Variants in SYT1 observed in about 807,000 individuals in gnomAD.
SYT1 encodes the protein synaptotagmin-1.
Under a neutral mutation model 44.8 loss-of-function variants are expected in SYT1, and 8 were observed. The ratio of observed to expected loss-of-function variants is 0.18; its 90% CI spans 0.10 to 0.32. The LOEUF (loss-of-function observed/expected upper bound fraction) is 0.32, where lower values mean the gene tolerates loss of function less well. SYT1 is among the 10% of genes least tolerant of loss of function. SYT1 has a pLI of 1.00. For synonymous variants in SYT1, 154 were observed against 188.8 expected (o/e 0.82, Z 1.51); for missense variants, 286 against 509.3 (o/e 0.56, Z 4.22).
intron 1 of SYT1, among the ~76,000 whole-genome samples, chr12:78,928,434 T>C (rs1877425403): frequency 6.6e-6 from 1 of 152,216 alleles, no homozygotes; most frequent in Non-Finnish European, 1.5e-5. Context: ...AGACTCATTC[T>C]TACCATAGAC....
intron 3 of SYT1, among the ~76,000 whole-genome samples, chr12:79,156,899 T>A (rs1367797921): frequency 6.6e-6 from 1 of 152,150 alleles, no homozygotes; most frequent in Admixed American, 6.5e-5. Flanking sequence ...GACTGTCACT[T>A]GTCACAAGCA....
At chr12:78,931,249 AGG>A (rs1163732813) in intron 1 of SYT1, among the ~76,000 whole-genome samples, 1 of 49,026 alleles carries the variant, frequency 2.0e-5, no homozygotes, top group African/African-American at 7.4e-5. Flanking sequence ...GAAGGAAGGA[AGG>A]AAGGAAGGAA....
intron 3 of SYT1, among the ~76,000 whole-genome samples, chr12:79,123,616 C>T (rs1425876342): frequency 2.0e-5 from 3 of 152,108 alleles, no homozygotes; most frequent in African/African-American, 4.8e-5. Flanking sequence ...AAATCCAATA[C>T]TGTTGTGCAT....
At chr12:78,981,890 T>C (rs907937975) in intron 2 of SYT1, among the ~76,000 whole-genome samples, 10 of 152,278 alleles carry the variant, frequency 6.6e-5, no homozygotes, top group African/African-American at 2.4e-4. Flanking sequence ...TATTTTCTGT[T>C]TCTTAAATTT....
At chr12:79,216,584 A>G (rs1874820056) in intron 3 of SYT1, among the ~76,000 whole-genome samples, 1 of 152,184 alleles carries the variant, frequency 6.6e-6, no homozygotes, top group Non-Finnish European at 1.5e-5. Context: ...ATAAATTAGG[A>G]TGTCAAATGC....
chr12:79,128,033 G>A (rs1271886249), intron 3 of SYT1, among the ~76,000 whole-genome samples: 2 of 152,120 alleles, frequency 1.3e-5, no homozygotes, highest in African/African-American at 4.8e-5. Flanking sequence ...GTAGGTGGGT[G>A]GATGGACACA....
At chr12:78,936,620 CTTTA>C (rs1945515906) in intron 1 of SYT1, among the ~76,000 whole-genome samples, 1 of 152,040 alleles carries the variant, frequency 6.6e-6, no homozygotes, top group African/African-American at 2.4e-5. Context: ...AATGCATATT[CTTTA>C]TTTCTTAGTA....
chr12:79,326,153 T>C (rs572802451), intron 8 of SYT1, among the ~76,000 whole-genome samples: 1 of 152,348 alleles, frequency 6.6e-6, no homozygotes, highest in Admixed American at 6.5e-5. Context: ...ACTCAGCTAC[T>C]CTGACTTTTT....
intron 2 of SYT1, among the ~76,000 whole-genome samples, chr12:79,044,131 C>G (rs914348416): frequency 7.2e-5 from 11 of 151,968 alleles, no homozygotes; most frequent in Non-Finnish European, 1.2e-4. Flanking sequence ...CGAGGAGTAT[C>G]TTTGTGGCAT....
intron 1 of SYT1, among the ~76,000 whole-genome samples, chr12:78,920,918 AT>A (rs1219965349): frequency 4.1e-4 from 63 of 152,000 alleles, no homozygotes; most frequent in African/African-American, 1.4e-3. Flanking sequence ...TAATACTAAG[AT>A]CCAGTCCTCA....
At chr12:79,434,833 A>G (rs1020153410) in intron 9 of SYT1, among the ~76,000 whole-genome samples, 10 of 151,850 alleles carry the variant, frequency 6.6e-5, no homozygotes, top group African/African-American at 2.4e-4. Flanking sequence ...CCCACCTTCC[A>G]TCCTGCCTTC....
chr12:78,889,788 T>G (rs1874948241), intron 1 of SYT1, among the ~76,000 whole-genome samples: 1 of 151,944 alleles, frequency 6.6e-6, no homozygotes. Context: ...TTTAAACACT[T>G]TTGGATTTTG....
At chr12:78,954,312 C>G (rs1879108659) in intron 1 of SYT1, among the ~76,000 whole-genome samples, 1 of 152,124 alleles carries the variant, frequency 6.6e-6, no homozygotes, top group South Asian at 2.1e-4. Context: ...TCACAATTAA[C>G]TCAAACATTA....
intron 3 of SYT1, among the ~76,000 whole-genome samples, chr12:79,215,782 G>T (rs1345296401): frequency 6.6e-6 from 1 of 152,110 alleles, no homozygotes; most frequent in Admixed American, 6.5e-5. Flanking sequence ...TCTCCTGGAA[G>T]TAGATCCAAA....
intron 8 of SYT1, among the ~76,000 whole-genome samples, chr12:79,316,997 C>A (rs1337477862): frequency 6.6e-6 from 1 of 152,054 alleles, no homozygotes; most frequent in Non-Finnish European, 1.5e-5. Context: ...AATTATATAC[C>A]TATGTGTTTG....
At chr12:79,034,733 A>G (rs1374960405) in intron 2 of SYT1, among the ~76,000 whole-genome samples, 1 of 151,742 alleles carries the variant, frequency 6.6e-6, no homozygotes, top group African/African-American at 2.4e-5. Context: ...TGAAGAGGGC[A>G]ATTTTCATGT....
intron 4 of SYT1, among the ~76,000 whole-genome samples, chr12:79,257,596 T>C (rs924317442): frequency 3.3e-5 from 5 of 152,058 alleles, no homozygotes; most frequent in Non-Finnish European, 7.4e-5. Flanking sequence ...CACGCCATTC[T>C]CCTGCCTCAG....
chr12:79,432,834 G>A (rs1333747368), intron 9 of SYT1, among the ~76,000 whole-genome samples: 5 of 152,036 alleles, frequency 3.3e-5, no homozygotes, highest in African/African-American at 4.8e-5. Flanking sequence ...GGCTGGTTTC[G>A]AACTCTTGAC....
At chr12:79,025,184 A>G (rs999578693) in intron 2 of SYT1, among the ~76,000 whole-genome samples, 5 of 151,824 alleles carry the variant, frequency 3.3e-5, no homozygotes, top group African/African-American at 1.2e-4. Flanking sequence ...TGATACATGT[A>G]TTAAACACTC....
Sources: allele counts gnomAD v4.1 joint callset (sites outside exome capture counted in the v4.1 genomes callset), GRCh38; gene constraint gnomAD v4.1.1; transcripts MANE v1.5; gene names NCBI Gene and HGNC (gene_info 2026-07-23, HGNC 2026-07-21).